The following WRN variants were observed in gnomAD, a reference collection of about 807,000 sequenced individuals.
WRN encodes the protein bifunctional 3'-5' exonuclease/ATP-dependent helicase WRN.
WRN carries 149 observed loss-of-function variants against 180.7 expected under a neutral mutation model. The ratio of observed to expected loss-of-function variants is 0.82; its 90% CI spans 0.72 to 0.94. WRN has a LOEUF of 0.94. Ranked by LOEUF, WRN falls within the 40% of genes least tolerant of loss-of-function variation. The pLI, the probability that WRN is intolerant of heterozygous loss-of-function variation, is 0.00. For missense variants in WRN, 1,661 were observed against 1,700.1 expected (o/e 0.98, Z 0.40); for synonymous variants, 548 against 568.9 (o/e 0.96, Z 0.52).
chr8:31,126,490 A>G (rs935669199), intron 23 of WRN, among the ~76,000 whole-genome samples: 5 of 152,238 alleles, frequency 3.3e-5, no homozygotes, highest in Non-Finnish European at 7.3e-5. Flanking sequence ...CTAATGCAAT[A>G]CTGAGAAGGA....
At position 31,111,720 on chromosome 8, in the gene WRN, C is replaced by T. The variant is rs143916053; in HGVS notation, c.2194C>T (p.Arg732Ter). Residue 732 changes from arginine to a stop codon, truncating the protein, a stop_gained, in exon 19 of 35, where the codon CGA becomes TGA. Coordinates refer to ENST00000298139, the MANE Select transcript of WRN (RefSeq NM_000553.6). LOFTEE classifies it high-confidence loss of function. ...NPQITCTGFD[R>*]PNLYLEVRRK... ...TCAGATCACCTGTACTGGTTTTGAT[C>T]GACCAAACCTGTATTTAGAAGTTAG... 9.9e-6 allele frequency: 16 copies of T among 1,613,830 alleles called. No individual in the cohort carries two copies. The highest frequency in any genetic ancestry group is 4.5e-5 in the East Asian group (2 of 44,862).
chr8:31,173,156 A>T lies in WRN; in HGVS notation c.*54A>T, dbSNP rs1158822146. ...CTTGCTGTATTATAAGAGGATAGCTATATTTTATTTCTGAAGAGTAAGGAG... is the reference window on the plus strand; with the variant it reads ...CTTGCTGTATTATAAGAGGATAGCTTTATTTTATTTCTGAAGAGTAAGGAG... On this transcript the variant is annotated 3_prime_UTR_variant, in exon 35 of 35. Coordinates refer to ENST00000298139, the MANE Select transcript of WRN (RefSeq NM_000553.6). 2.0e-6 allele frequency: 3 copies of T among 1,511,374 alleles called. No homozygotes were observed. The African/African-American group carries it at 4.1e-5, about 21-fold the overall frequency. 93.6% of individuals were successfully genotyped at this position (1,511,374 alleles called of 1,614,324 possible).
intron 1 of WRN, among the ~76,000 whole-genome samples, chr8:31,057,621 G>A (rs1433254707): frequency 2.0e-5 from 3 of 152,120 alleles, no homozygotes; most frequent in Admixed American, 6.5e-5. Flanking sequence ...TTACAAATAG[G>A]AACTAAAGTT....
chr8:31,106,172 G>C (rs1801088394), intron 18 of WRN, among the ~76,000 whole-genome samples: 1 of 152,024 alleles, frequency 6.6e-6, no homozygotes. Flanking sequence ...AGGAAATCTC[G>C]TGAGGTCTTC....
intron 24 of WRN, among the ~76,000 whole-genome samples, chr8:31,138,659 G>A (rs1182286630): frequency 2.0e-5 from 3 of 152,138 alleles, no homozygotes; most frequent in Non-Finnish European, 4.4e-5. Context: ...TTGTACCTGG[G>A]TGTTTATATT....
At chr8:31,115,513 A>C (rs1217812214) in intron 19 of WRN, among the ~76,000 whole-genome samples, 1 of 152,206 alleles carries the variant, frequency 6.6e-6, no homozygotes, top group East Asian at 1.9e-4. Flanking sequence ...GTTGCAGTGA[A>C]TATTTGTTTA....
At position 31,090,648 on chromosome 8, in the gene WRN, C is replaced by A. The variant is rs3087418; in HGVS notation, c.1720+116C>A. On this transcript the variant is annotated intron_variant, in intron 14 of 34. Transcript: ENST00000298139. ...CAAATGCAACTACAAATGATGTAAA[C>A]TATAGAAGAGAGTGAACAAAGAACA... The A allele has an allele frequency of 0.064, 75,801 of 1,192,186 alleles. 2,699 individuals are homozygous for A. Among genetic ancestry groups the A allele is most frequent in the African/African-American group, 0.13 (8,345 of 65,000 alleles). 73.9% of individuals were successfully genotyped at this position (1,192,186 alleles called of 1,614,324 possible). A position where few individuals can be genotyped will look rare whatever the true frequency, so the allele number is the denominator to read the frequency against.
chr8:31,067,709 A>G (rs183629082), intron 6 of WRN, among the ~76,000 whole-genome samples: 1 of 152,260 alleles, frequency 6.6e-6, no homozygotes, highest in Admixed American at 6.5e-5. Context: ...TTATCTTTAT[A>G]TATAGCACTA....
chr8:31,059,363 T>G, intron 3 of WRN, 98 bp downstream of exon 3: 2 of 939,206 alleles, frequency 2.1e-6, no homozygotes, highest in Non-Finnish European at 3.5e-6. Context: ...ACAGGTGAGG[T>G]GTGTTCAATA....
chr8:31,060,389 A>G, intron 3 of WRN, among the ~76,000 whole-genome samples: 1 of 152,066 alleles, frequency 6.6e-6, no homozygotes, highest in East Asian at 1.9e-4. Flanking sequence ...TAAGACCCCC[A>G]TCTCTACAAA....
At chr8:31,073,931 T>G (rs1417133021) in intron 7 of WRN, among the ~76,000 whole-genome samples, 2 of 151,914 alleles carry the variant, frequency 1.3e-5, no homozygotes, top group Non-Finnish European at 2.9e-5. Flanking sequence ...TCTTTTTTTT[T>G]TTTGAGACAG....
chr8:31,131,636 A>T (rs1321276730), intron 23 of WRN: 1 of 153,354 alleles, frequency 6.5e-6, no homozygotes, highest in Non-Finnish European at 1.5e-5. Context: ...GCTGCCTGTC[A>T]AATTGAAACC....
rs112211945 is a variant in WRN at position 31,129,169 on chromosome 8, G to A, written c.2826-3196G>A. Among the ~76,000 whole-genome samples the A allele has an allele frequency of 1.9e-3, 288 of 152,202 alleles. 2 individuals carry two copies. The highest frequency in any genetic ancestry group is 6.6e-3 in the African/African-American group (273 of 41,544). ...TTAAAACAAATTTTTTTTTGGTAGA[G>A]ACAGTCTCAGTATGTTGCCCAGGCT... On this transcript the variant is annotated intron_variant, in intron 23 of 34. Coordinates refer to ENST00000298139, the MANE Select transcript of WRN (RefSeq NM_000553.6).
chr8:31,098,598 G>T (rs746778864), intron 17 of WRN, among the ~76,000 whole-genome samples: 1 of 152,064 alleles, frequency 6.6e-6, no homozygotes, highest in African/African-American at 2.4e-5. Context: ...CTTTTGTTGC[G>T]GGAAATTGTA....
At chr8:31,101,210 G>GT (rs1318303698) in intron 18 of WRN, among the ~76,000 whole-genome samples, 1 of 152,160 alleles carries the variant, frequency 6.6e-6, no homozygotes, top group Non-Finnish European at 1.5e-5. Flanking sequence ...CATGTAGTCT[G>GT]TATCACATAT....
At chr8:31,088,000 T>G (rs950367313) in intron 12 of WRN, 80 bp downstream of exon 12, 19 of 1,561,662 alleles carry the variant, frequency 1.2e-5, no homozygotes, top group Middle Eastern at 1.7e-4. Context: ...TTTTGGATGG[T>G]TTGGAGGTCA....
intron 32 of WRN, among the ~76,000 whole-genome samples, chr8:31,155,760 GTTTAA>G (rs1248512836): frequency 6.6e-6 from 1 of 152,118 alleles, no homozygotes; most frequent in African/African-American, 2.4e-5. Context: ...TTACAGTTGA[GTTTAA>G]TTTGAGTTCA....
chr8:31,173,676 C>T lies in WRN; in HGVS notation c.*574C>T, dbSNP rs11574416. ...AAAAATGTAAAATGGAGACCAATTGCACTAGGCAAGTGTATATTTTGTATT... is the reference window on the plus strand; with the variant it reads ...AAAAATGTAAAATGGAGACCAATTGTACTAGGCAAGTGTATATTTTGTATT... On this transcript the variant is annotated 3_prime_UTR_variant, in exon 35 of 35. Coordinates refer to ENST00000298139, the MANE Select transcript of WRN (RefSeq NM_000553.6). The T allele has an allele frequency of 2.8e-3, 462 of 166,610 alleles. 2 individuals are homozygous for T. The highest frequency in any genetic ancestry group is 0.01 in the African/African-American group (436 of 42,038). The allele number at this position is 166,610 out of a possible 1,614,324, so 10.3% of individuals were successfully genotyped here. A position where few individuals can be genotyped will look rare whatever the true frequency, so the allele number is the denominator to read the frequency against.
At chr8:31,094,381 T>G (rs1813875970) in intron 16 of WRN, among the ~76,000 whole-genome samples, 1 of 151,440 alleles carries the variant, frequency 6.6e-6, no homozygotes, top group Admixed American at 6.6e-5. Context: ...GGTCTCCCTC[T>G]GTCTCCCGGG....
Sources: gnomAD v4.1 joint callset for allele counts (sites outside exome capture counted in the v4.1 genomes callset) on GRCh38, gnomAD v4.1.1 for gene constraint, MANE v1.5 for transcripts, NCBI Gene and HGNC (gene_info 2026-07-23, HGNC 2026-07-21) for gene names.